FAAP20: variants seen among roughly 807,000 people sequenced by gnomAD.
FAAP20 encodes the protein FA core complex associated protein 20, also known as Fanconi anemia core complex-associated protein 20.
In FAAP20, 12 loss-of-function variants were observed where a neutral mutation model predicts 16.2. The ratio of observed to expected loss-of-function variants is 0.74; its 90% CI spans 0.48 to 1.20. The LOEUF (loss-of-function observed/expected upper bound fraction) is 1.20, where lower values mean the gene tolerates loss of function less well. FAAP20 is among the 50% of genes most tolerant of loss of function. FAAP20 has a pLI of 0.00. For synonymous variants in FAAP20, 141 were observed against 110.7 expected (o/e 1.27, Z -1.72); for missense variants, 288 against 245.8 (o/e 1.17, Z -1.15).
downstream of FAAP20, chr1:2,185,527 C>T (rs1023903061): frequency 5.6e-6 from 4 of 715,290 alleles, no homozygotes; most frequent in African/African-American, 7.0e-5. Context: ...TGGGGACACA[C>T]CGCAATCAAG....
chr1:2,194,297 G>A, intron 1 of FAAP20, 164 bp from the exon 2 acceptor site: 1 of 722,174 alleles, frequency 1.4e-6, no homozygotes, highest in Non-Finnish European at 2.1e-6. Flanking sequence ...AGGGCTGCTG[G>A]GGCAGACAGT....
At chr1:2,198,853 G>A (rs1297848573), upstream of FAAP20, 1 of 1,289,790 alleles carries the variant, frequency 7.8e-7, no homozygotes, top group Non-Finnish European at 1.0e-6. Flanking sequence ...TGCCAGGCAG[G>A]CACGCCCACC....
At chr1:2,192,202 C>T (rs1688306305) in intron 3 of FAAP20, 7 of 985,910 alleles carry the variant, frequency 7.1e-6, no homozygotes, top group Non-Finnish European at 8.4e-6. Flanking sequence ...GGTGGCTGTG[C>T]AAACCCTTGT....
At chr1:2,190,474 A>G in intron 3 of FAAP20, 1 of 445,110 alleles carries the variant, frequency 2.2e-6, no homozygotes, top group Non-Finnish European at 4.6e-6. Flanking sequence ...GAGCGCAGCC[A>G]CCTTCTATCC....
At chr1:2,190,553 G>A in intron 3 of FAAP20, 1 of 385,740 alleles carries the variant, frequency 2.6e-6, no homozygotes, top group Middle Eastern at 3.7e-4. Flanking sequence ...CCTGGCCAAG[G>A]TGTGGCCCTG....
At chr1:2,191,675 ATGTT>A (rs1365667605) in intron 3 of FAAP20, 1 of 226,428 alleles carries the variant, frequency 4.4e-6, no homozygotes, top group Non-Finnish European at 7.3e-6. Context: ...CGGGAGGCAG[ATGTT>A]GCAGTGAGCC....
chr1:2,189,642 G>C lies in FAAP20; in HGVS notation c.*67C>G. 1 of 1,321,026 alleles carries C rather than the reference G, an allele frequency of 7.6e-7. No homozygotes were observed. The highest frequency in any genetic ancestry group is 1.1e-6 in the Non-Finnish European group (1 of 942,204). The allele number at this position is 1,321,026 out of a possible 1,614,324, so 81.8% of individuals were successfully genotyped here. ...GGGGCTGCTGGCGGGGGAGCCGAGA[G>C]GCGGGGCTGCTGGCGGGGGAGAGCG... On this transcript the variant is annotated 3_prime_UTR_variant, in exon 4 of 4. Coordinates refer to ENST00000378546, the MANE Select transcript of FAAP20 (RefSeq NM_182533.4).
chr1:2,201,605 C>G (rs1232611324), upstream of FAAP20, among the ~76,000 whole-genome samples: 1 of 152,108 alleles, frequency 6.6e-6, no homozygotes, highest in East Asian at 1.9e-4. Context: ...GCCCATAGTC[C>G]CAGTTATGTG....
chr1:2,196,714 C>T (rs1688842117), upstream of FAAP20, among the ~76,000 whole-genome samples: 1 of 152,198 alleles, frequency 6.6e-6, no homozygotes, highest in Non-Finnish European at 1.5e-5. This position sits in a 1 kb window ranked among gnomAD's most constrained non-coding sequence, Gnocchi z 4.5. Context: ...GTGGTGCACA[C>T]CTTTAATCCC....
chr1:2,190,006 C>CACCTCTCAG, intron 3 of FAAP20: 1 of 614,022 alleles, frequency 1.6e-6, no homozygotes, highest in Non-Finnish European at 3.0e-6. Context: ...CAGGCCCCTG[C>CACCTCTCAG]GTCCGAGCTG....
downstream of FAAP20, among the ~76,000 whole-genome samples, chr1:2,185,687 G>T (rs181227986): frequency 6.6e-5 from 10 of 152,338 alleles, no homozygotes; most frequent in Admixed American, 5.2e-4. Flanking sequence ...GGATCATAGA[G>T]ATTCTAAAAC....
chr1:2,197,787 C>T (rs1257190349), upstream of FAAP20, among the ~76,000 whole-genome samples: 1 of 152,240 alleles, frequency 6.6e-6, no homozygotes, highest in Non-Finnish European at 1.5e-5. Context: ...GGGGCAGGCC[C>T]CTGTGACCTA....
downstream of FAAP20, among the ~76,000 whole-genome samples, chr1:2,185,758 A>G (rs541692330): frequency 6.6e-6 from 1 of 152,198 alleles, no homozygotes; most frequent in South Asian, 2.1e-4. Flanking sequence ...AATCTGCACA[A>G]ATCATTTCTG....
chr1:2,185,396 G>A (rs1208593971), downstream of FAAP20: 5 of 718,890 alleles, frequency 7.0e-6, no homozygotes, highest in South Asian at 7.4e-5. Context: ...TGATGTGGAA[G>A]CTCCTCTGAT....
chr1:2,202,991 C>T (rs751868667), upstream of FAAP20, among the ~76,000 whole-genome samples: 14 of 152,188 alleles, frequency 9.2e-5, no homozygotes, highest in Admixed American at 2.0e-4. Flanking sequence ...CAGTGGGAGC[C>T]GTCCTCCCAG....
intron 3 of FAAP20, chr1:2,193,432 C>A (rs1688476700): frequency 2.6e-6 from 2 of 767,990 alleles, no homozygotes; most frequent in African/African-American, 1.8e-5. Context: ...GCCTGCCCTG[C>A]CCACAGAGCA....
chr1:2,201,189 C>A, upstream of FAAP20: 1 of 1,244,060 alleles, frequency 8.0e-7, no homozygotes, highest in Non-Finnish European at 1.0e-6. Flanking sequence ...ACAGAGGAGC[C>A]GTGGGGTGGC....
intron 1 of FAAP20, among the ~76,000 whole-genome samples, chr1:2,207,082 T>A (rs913746252): frequency 2.6e-5 from 4 of 150,946 alleles, no homozygotes; most frequent in Non-Finnish European, 5.9e-5. Flanking sequence ...CAGAGAGAGG[T>A]GTTGTATTCT....
chr1:2,205,671 G>T (rs1035672351), intron 3 of FAAP20, among the ~76,000 whole-genome samples: 38 of 152,328 alleles, frequency 2.5e-4, no homozygotes, highest in African/African-American at 8.2e-4. Context: ...GCGCGTCGCC[G>T]CACGGTGTAC....
Sources: gnomAD v4.1 joint callset for allele counts (sites outside exome capture counted in the v4.1 genomes callset) on GRCh38, gnomAD v4.1.1 for gene constraint, Gnocchi (gnomAD v3.1) non-coding constraint, MANE v1.5 for transcripts, NCBI Gene and HGNC (gene_info 2026-07-23, HGNC 2026-07-21) for gene names.